The following CENATAC variants were observed in gnomAD, a reference collection of about 807,000 sequenced individuals.
CENATAC encodes coiled-coil domain containing 84.
A neutral mutation model predicts 53.7 loss-of-function variants in CENATAC; 53 were observed. The ratio of observed to expected loss-of-function variants is 0.99; its 90% CI spans 0.79 to 1.24. The LOEUF is 1.24. Ranked by LOEUF, CENATAC falls within the 50% of genes most tolerant of loss-of-function variation. The pLI, the probability that CENATAC is intolerant of heterozygous loss-of-function variation, is 0.00. For synonymous variants in CENATAC, 156 were observed against 144.6 expected (o/e 1.08, Z -0.57); for missense variants, 474 against 417.8 (o/e 1.13, Z -1.17).
chr11:119,005,378 A>G (rs558454455), intron 3 of CENATAC, among the ~76,000 whole-genome samples: 262 of 151,946 alleles, frequency 1.7e-3, no homozygotes, highest in African/African-American at 6.0e-3. Flanking sequence ...AGGCAGGAGA[A>G]TGGCGTGAAC....
intron 8 of CENATAC, 145 bp downstream of exon 8, chr11:119,013,407 T>G: frequency 1.7e-6 from 1 of 590,112 alleles, no homozygotes; most frequent in Non-Finnish European, 3.0e-6. Flanking sequence ...GTGATTCTTC[T>G]GCCTCAGCCT....
intron 3 of CENATAC, among the ~76,000 whole-genome samples, chr11:119,002,683 T>G (rs1400029160): frequency 0.021 from 60 of 2,856 alleles, no homozygotes; most frequent in African/African-American, 0.051. Context: ...AGCTGTTGGT[T>G]TTTTTTTTTT....
chr11:119,001,873 G>A (rs1265270523), intron 3 of CENATAC: 1 of 294,396 alleles, frequency 3.4e-6, no homozygotes, highest in African/African-American at 2.2e-5. Flanking sequence ...CCTGGGCAGT[G>A]TATCAAGACC....
At chr11:119,015,153 T>C (rs942838482) in intron 9 of CENATAC, 70 bp downstream of exon 9, 15 of 1,462,760 alleles carry the variant, frequency 1.0e-5, no homozygotes, top group Non-Finnish European at 1.4e-5. Flanking sequence ...TGCCTGTGTG[T>C]GGTGGCTCAT....
At chr11:119,000,977 C>G (rs1942265709) in intron 3 of CENATAC, among the ~76,000 whole-genome samples, 1 of 152,092 alleles carries the variant, frequency 6.6e-6, no homozygotes, top group Non-Finnish European at 1.5e-5. Context: ...AGATCCTAAT[C>G]TACAGTACAT....
rs370851953 is a variant in CENATAC at position 118,998,455 on chromosome 11, G to T, written c.146G>T (p.Arg49Leu). ...PQVEAARKAIRAAQVERYVPE... is the reference protein window; with the variant it reads ...PQVEAARKAILAAQVERYVPE... ...GTGGAGGCGGCCCGCAAGGCCATCCGCGCCGCTCAGGTGGAGCGCTATGTG... is the reference window on the plus strand; with the variant it reads ...GTGGAGGCGGCCCGCAAGGCCATCCTCGCCGCTCAGGTGGAGCGCTATGTG... Residue 49 changes from arginine to leucine, a missense_variant, in exon 2 of 11, where the codon CGC becomes CTC. Physicochemically the swap from Arg to Leu is moderately radical, Grantham distance 102. Coordinates refer to ENST00000334418, the MANE Select transcript of CENATAC (RefSeq NM_198489.3). 1 of 1,612,624 alleles carries T rather than the reference G, an allele frequency of 6.2e-7. No individual in the cohort carries two copies. Among genetic ancestry groups the T allele is most frequent in the East Asian group, 2.2e-5 (1 of 44,876 alleles).
intron 2 of CENATAC, 77 bp from the exon 3 acceptor site, chr11:118,998,934 A>G: frequency 8.7e-7 from 1 of 1,150,670 alleles, no homozygotes; most frequent in South Asian, 1.3e-5. Context: ...GTCAGTTTGC[A>G]TTACAAACCT....
Position 119,013,161 on chromosome 11 carries a change from G to A in CENATAC, c.685-71G>A, listed in dbSNP as rs578043108. ...TCTTTTAAAGTGTGCTTTGTCTATC[G>A]TTTCTAGGATTTTTTTTTTTAATCA... On this transcript the variant is annotated intron_variant, in intron 7 of 10. Coordinates refer to ENST00000334418, the MANE Select transcript of CENATAC (RefSeq NM_198489.3). 169 of 1,185,344 alleles carry A rather than the reference G, an allele frequency of 1.4e-4. 1 individual carries two copies. The highest frequency in any genetic ancestry group is 2.0e-4 in the Non-Finnish European group (162 of 817,396). The allele number at this position is 1,185,344 out of a possible 1,614,324, so 73.4% of individuals were successfully genotyped here.
Position 118,999,087 on chromosome 11 carries a change from G to A in CENATAC, c.361G>A (p.Val121Ile), listed in dbSNP as rs782447292. ...GGTCCAGATGAAAGAGAAGTTTCTG[G>A]TCACTCCCCAGGATTATGCGCGGTG... Reference protein sequence around the residue: ...AEVQMKEKFLVTPQDYARFKK... With the variant: ...AEVQMKEKFLITPQDYARFKK... The change falls in exon 3 of 11, where the codon GTC becomes ATC. Residue 121 changes from valine (V) to isoleucine (I), a missense_variant. Physicochemically the swap from Val to Ile is conservative, Grantham distance 29. Transcript: ENST00000334418. 9 of 1,613,840 alleles carry A rather than the reference G, an allele frequency of 5.6e-6. No individual in the cohort carries two copies. In the Admixed American group the frequency reaches 6.7e-5, roughly 12 times the overall value.
chr11:119,001,144 C>A (rs1002817973), intron 3 of CENATAC, among the ~76,000 whole-genome samples: 1 of 152,048 alleles, frequency 6.6e-6, no homozygotes, highest in East Asian at 1.9e-4. Context: ...CATGAGTGAT[C>A]ACTTTTACTG....
At chr11:119,008,653 T>C (rs1942724728) in intron 3 of CENATAC, among the ~76,000 whole-genome samples, 1 of 152,192 alleles carries the variant, frequency 6.6e-6, no homozygotes, top group Non-Finnish European at 1.5e-5. Context: ...CTTTCCTCTT[T>C]TACTAATCCA....
chr11:119,007,991 A>G (rs1285340583), intron 3 of CENATAC, among the ~76,000 whole-genome samples: 2 of 151,780 alleles, frequency 1.3e-5, no homozygotes, highest in African/African-American at 4.8e-5. Flanking sequence ...ACACTGAAAC[A>G]AAAAGGACTG....
rs782259342 is a variant in CENATAC at position 119,015,371 on chromosome 11, C to T, written c.870C>T (p.Ser290=). The part of the protein sequence containing the change: ...DRVGANFDHS[S]RTSAGWLPSF... ...TTGGGGCCAACTTTGATCACAGCTC[C>T]AGGACCAGTGCAGGCTGGCTGCCCT... Residue 290 remains serine (S), a synonymous_variant, in exon 10 of 11, where the codon TCC becomes TCT. Coordinates refer to ENST00000334418, the MANE Select transcript of CENATAC (RefSeq NM_198489.3). The T allele has an allele frequency of 1.2e-6, 2 of 1,614,072 alleles. No homozygotes were observed. Among genetic ancestry groups the T allele is most frequent in the African/African-American group, 2.7e-5 (2 of 74,916 alleles).
chr11:118,999,093 C>G lies in CENATAC; in HGVS notation c.367C>G (p.Pro123Ala). The change falls in exon 3 of 11, where the codon CCC (proline) becomes GCC (alanine). Residue 123 changes from proline (P) to alanine (A), a missense_variant. Coordinates refer to ENST00000334418, the MANE Select transcript of CENATAC (RefSeq NM_198489.3). ...VQMKEKFLVTPQDYARFKKSM... is the reference protein window; with the variant it reads ...VQMKEKFLVTAQDYARFKKSM... ...GATGAAAGAGAAGTTTCTGGTCACT[C>G]CCCAGGATTATGCGCGGTGAGTCAC... is the stretch of plus-strand genomic sequence containing the variant. 6.2e-7 allele frequency: 1 copy of G among 1,613,422 alleles called. No individual in the cohort carries two copies. Among genetic ancestry groups the G allele is most frequent in the Non-Finnish European group, 8.5e-7 (1 of 1,179,382 alleles).
At chr11:119,015,149 T>C (rs1482770525) in intron 9 of CENATAC, 66 bp downstream of exon 9, 1 of 1,481,810 alleles carries the variant, frequency 6.7e-7, no homozygotes, top group African/African-American at 1.4e-5. Flanking sequence ...TCCTTGCCTG[T>C]GTGTGGTGGC....
At chr11:119,002,981 A>G (rs1173319581) in intron 3 of CENATAC, 2 of 487,786 alleles carry the variant, frequency 4.1e-6, no homozygotes, top group African/African-American at 2.0e-5. Context: ...AAAGATATAC[A>G]TATATTTAGA....
chr11:119,006,719 T>C (rs1325633021), intron 3 of CENATAC, among the ~76,000 whole-genome samples: 2 of 152,230 alleles, frequency 1.3e-5, no homozygotes, highest in East Asian at 1.9e-4. Context: ...CTCTGTGATA[T>C]GGTTTAGCTG....
Position 119,015,716 on chromosome 11 carries a change from A to G in CENATAC, c.*118A>G. 2 of 1,301,754 alleles carry G rather than the reference A, an allele frequency of 1.5e-6. No individual in the cohort carries two copies. Among genetic ancestry groups the G allele is most frequent in the Non-Finnish European group, 2.2e-6 (2 of 917,012 alleles). 80.6% of individuals were successfully genotyped at this position (1,301,754 alleles called of 1,614,324 possible). A position where few individuals can be genotyped will look rare whatever the true frequency, so the allele number is the denominator to read the frequency against. On this transcript the variant is annotated 3_prime_UTR_variant, in exon 11 of 11. Coordinates refer to ENST00000334418, the MANE Select transcript of CENATAC (RefSeq NM_198489.3). ...GGAAACAGACATACTCATTCATTTGATTTAATAAAGTTTTATTTTTCCAAA... is the reference window on the plus strand; with the variant it reads ...GGAAACAGACATACTCATTCATTTGGTTTAATAAAGTTTTATTTTTCCAAA...
At chr11:119,012,490 T>C in intron 7 of CENATAC, 3 of 439,768 alleles carry the variant, frequency 6.8e-6, no homozygotes, top group South Asian at 5.7e-5. Context: ...GTAGAACTCA[T>C]AGTTCCAACT....
Sources: allele counts gnomAD v4.1 joint callset (sites outside exome capture counted in the v4.1 genomes callset), GRCh38; gene constraint gnomAD v4.1.1; transcripts MANE v1.5; gene names NCBI Gene and HGNC (gene_info 2026-07-23, HGNC 2026-07-21).